The following CFAP299 variants were observed in gnomAD, a reference collection of about 807,000 sequenced individuals.
The protein encoded by CFAP299 is cilia- and flagella-associated protein 299.
A neutral mutation model predicts 27.0 loss-of-function variants in CFAP299; 21 were observed. The observed-to-expected ratio is 0.78, with a 90% CI of 0.55 to 1.12. The LOEUF (loss-of-function observed/expected upper bound fraction) is 1.12, where lower values mean the gene tolerates loss of function less well. Ranked by LOEUF, CFAP299 falls within the 50% of genes most tolerant of loss-of-function variation. CFAP299 has a pLI of 0.00. For missense variants in CFAP299, 310 were observed against 276.6 expected (o/e 1.12, Z -0.86); for synonymous variants, 104 against 98.1 (o/e 1.06, Z -0.36).
rs769690513 is a variant in CFAP299 at position 80,534,316 on chromosome 4, GAA to G, written c.243-48762_243-48761del. Among the ~76,000 whole-genome samples the G allele has an allele frequency of 8.2e-3, 897 of 109,272 alleles. 6 individuals are homozygous for G. The highest frequency in any genetic ancestry group is 0.026 in the African/African-American group (849 of 32,444). The allele number at this position is 109,272 out of a possible 152,430, so 71.7% of individuals were successfully genotyped here. A position where few individuals can be genotyped will look rare whatever the true frequency, so the allele number is the denominator to read the frequency against. The stretch of plus-strand genomic sequence containing the variant: ...TGTAATGAACAGAACTCACTCTGTG[GAA>G]AAAAAAAAAAAAAACAACCAAAATT... On this transcript the variant is annotated intron_variant, in intron 2 of 5. Coordinates refer to ENST00000358105, the MANE Select transcript of CFAP299 (RefSeq NM_152770.3).
chr4:80,506,057 T>G (rs1235652757), intron 2 of CFAP299, among the ~76,000 whole-genome samples: 1 of 151,608 alleles, frequency 6.6e-6, no homozygotes, highest in Non-Finnish European at 1.5e-5. Context: ...GTTCCCAGAT[T>G]AATTTGAACG....
intron 3 of CFAP299, among the ~76,000 whole-genome samples, chr4:80,813,781 T>G (rs1729279851): frequency 6.6e-6 from 1 of 151,950 alleles, no homozygotes; most frequent in Non-Finnish European, 1.5e-5. Flanking sequence ...GCCAAATGTG[T>G]AAATACAGAT....
intron 3 of CFAP299, among the ~76,000 whole-genome samples, chr4:80,783,891 T>C (rs1315947607): frequency 1.3e-5 from 2 of 152,106 alleles, no homozygotes. Flanking sequence ...TTCATAAACT[T>C]TCTTCTCCTC....
intron 2 of CFAP299, among the ~76,000 whole-genome samples, chr4:80,448,266 A>G (rs1728739764): frequency 6.6e-6 from 1 of 152,204 alleles, no homozygotes; most frequent in South Asian, 2.1e-4. Context: ...TAGGAGCTAT[A>G]TGGGTGACTG....
At chr4:80,632,609 G>A (rs1246213052) in intron 3 of CFAP299, among the ~76,000 whole-genome samples, 1 of 151,974 alleles carries the variant, frequency 6.6e-6, no homozygotes, top group Non-Finnish European at 1.5e-5. Flanking sequence ...GGCATGCAGA[G>A]GCAGATTAAC....
intron 3 of CFAP299, among the ~76,000 whole-genome samples, chr4:80,806,310 C>T (rs538653916): frequency 6.6e-6 from 1 of 152,242 alleles, no homozygotes; most frequent in South Asian, 2.1e-4. Context: ...ATTCATGTTA[C>T]CAAACATCAA....
chr4:80,680,314 A>G (rs1719759377), intron 3 of CFAP299, among the ~76,000 whole-genome samples: 1 of 152,118 alleles, frequency 6.6e-6, no homozygotes, highest in African/African-American at 2.4e-5. Flanking sequence ...CATTTAAATA[A>G]TTCCTCAGTT....
At chr4:80,837,222 C>A (rs1010892389) in intron 3 of CFAP299, among the ~76,000 whole-genome samples, 9 of 152,018 alleles carry the variant, frequency 5.9e-5, no homozygotes, top group Non-Finnish European at 1.2e-4. Context: ...ACCTGTAATT[C>A]TTCTTATAGT....
chr4:80,575,629 A>G (rs1239186246), intron 2 of CFAP299, among the ~76,000 whole-genome samples: 2 of 151,106 alleles, frequency 1.3e-5, no homozygotes, highest in Non-Finnish European at 2.9e-5. Context: ...TGTTTTCTTC[A>G]TTTCAATTTA....
intron 3 of CFAP299, among the ~76,000 whole-genome samples, chr4:80,665,671 T>G (rs1741111037): frequency 6.6e-6 from 1 of 152,210 alleles, no homozygotes; most frequent in African/African-American, 2.4e-5. Context: ...TCATTTGCAT[T>G]TAAGGTAATA....
intron 2 of CFAP299, among the ~76,000 whole-genome samples, chr4:80,548,715 A>G (rs1304152486): frequency 2.0e-5 from 3 of 152,136 alleles, no homozygotes; most frequent in Non-Finnish European, 4.4e-5. Context: ...GACTCTGATC[A>G]GGGTATGATG....
intron 3 of CFAP299, among the ~76,000 whole-genome samples, chr4:80,693,650 C>T (rs1360285070): frequency 6.6e-6 from 1 of 151,172 alleles, no homozygotes; most frequent in East Asian, 2.0e-4. Context: ...ATGTAACTAA[C>T]CTGCACATTG....
chr4:80,404,990 G>C (rs1726342798), intron 2 of CFAP299, among the ~76,000 whole-genome samples: 1 of 152,130 alleles, frequency 6.6e-6, no homozygotes, highest in African/African-American at 2.4e-5. Flanking sequence ...GGTGTGAGGA[G>C]TAGCAGTTAC....
At chr4:80,941,303 T>A (rs994743546) in intron 4 of CFAP299, among the ~76,000 whole-genome samples, 4 of 152,186 alleles carry the variant, frequency 2.6e-5, no homozygotes, top group African/African-American at 9.6e-5. Flanking sequence ...TTTACATATA[T>A]TAAACTGCTC....
intron 3 of CFAP299, among the ~76,000 whole-genome samples, chr4:80,770,636 T>A (rs1726158674): frequency 6.6e-6 from 1 of 152,344 alleles, no homozygotes; most frequent in East Asian, 1.9e-4. Context: ...AAAAAATGTG[T>A]ATACATATTT....
chr4:80,450,281 C>T (rs1050252020), intron 2 of CFAP299, among the ~76,000 whole-genome samples: 5 of 152,124 alleles, frequency 3.3e-5, no homozygotes, highest in African/African-American at 1.2e-4. Context: ...TCAAAAAGTA[C>T]TATTAATAAA....
chr4:80,404,837 G>GT (rs951819740), intron 2 of CFAP299, among the ~76,000 whole-genome samples: 3 of 151,844 alleles, frequency 2.0e-5, no homozygotes, highest in Admixed American at 6.6e-5. Context: ...TTTAGTTTTA[G>GT]TTTTTTTTAG....
chr4:80,657,841 T>G (rs1740640916), intron 3 of CFAP299, among the ~76,000 whole-genome samples: 1 of 152,164 alleles, frequency 6.6e-6, no homozygotes, highest in Non-Finnish European at 1.5e-5. Flanking sequence ...TTTCATGATA[T>G]TGATTCTTCC....
Position 80,945,286 on chromosome 4 carries a change from C to G in CFAP299, c.606+347C>G, listed in dbSNP as rs374264795. On this transcript the variant is annotated intron_variant, in intron 5 of 5. Coordinates refer to ENST00000358105, the MANE Select transcript of CFAP299 (RefSeq NM_152770.3). ...ACTTGTTGCTGTTAGTGGGGAGGAG[C>G]GTCATTCAGAGAAGGGAGATTCTGA... Among the ~76,000 whole-genome samples, 616 of 152,250 alleles carry G rather than the reference C, an allele frequency of 4.0e-3. 1 individual carries two copies. The highest frequency in any genetic ancestry group is 0.014 in the Middle Eastern group (4 of 294).
Sources: gnomAD v4.1 joint callset for allele counts (sites outside exome capture counted in the v4.1 genomes callset) on GRCh38, gnomAD v4.1.1 for gene constraint, MANE v1.5 for transcripts, NCBI Gene and HGNC (gene_info 2026-07-23, HGNC 2026-07-21) for gene names.